Variants in PHACTR2 observed in about 807,000 individuals in gnomAD.
The protein encoded by PHACTR2 is phosphatase and actin regulator 2.
In PHACTR2, 30 loss-of-function variants were observed where a neutral mutation model predicts 76.0. The observed-to-expected ratio is 0.39, with a 90% CI of 0.30 to 0.54. The LOEUF (loss-of-function observed/expected upper bound fraction) is 0.54, where lower values mean the gene tolerates loss of function less well. Ranked by LOEUF, PHACTR2 falls within the 20% of genes least tolerant of loss-of-function variation. The pLI is 0.61. For missense variants in PHACTR2, 696 were observed against 781.1 expected (o/e 0.89, Z 1.30); for synonymous variants, 292 against 292.5 (o/e 1.00, Z 0.02).
rs1776792097 is a variant in PHACTR2 at position 143,653,106 on chromosome 6, G to A, written c.13+44784G>A. Among the ~76,000 whole-genome samples, 1 of 152,172 alleles carries A rather than the reference G, an allele frequency of 6.6e-6. No individual in the cohort carries two copies. The highest frequency in any genetic ancestry group is 2.1e-4 in the South Asian group (1 of 4,826). ...CCTCACTGCCAGAGCATTTGTTCTG[G>A]ATGCCTCTGTCCCCAGGTGTCTCAG... On this transcript the variant is annotated intron_variant, in intron 1 of 11. Coordinates refer to the PHACTR2 transcript ENST00000305766. This position sits in a 1 kb window ranked among gnomAD's most constrained non-coding sequence, Gnocchi z 4.9.
chr6:143,779,630 A>G (rs1422364044), intron 9 of PHACTR2, among the ~76,000 whole-genome samples: 1 of 152,190 alleles, frequency 6.6e-6, no homozygotes, highest in East Asian at 1.9e-4. Flanking sequence ...TTACGGGTGT[A>G]AGCCACCGTG....
chr6:143,640,556 G>C (rs1776547176), intron 1 of PHACTR2, among the ~76,000 whole-genome samples: 1 of 152,236 alleles, frequency 6.6e-6, no homozygotes, highest in African/African-American at 2.4e-5. Context: ...ACCAGTCAAT[G>C]CCTACAAAAG....
At chr6:143,785,451 C>T (rs535668477) in intron 10 of PHACTR2, among the ~76,000 whole-genome samples, 1 of 152,164 alleles carries the variant, frequency 6.6e-6, no homozygotes, top group Non-Finnish European at 1.5e-5. Context: ...CTTTCACAGA[C>T]TAGTGTTGAG....
rs764028084 is a variant in PHACTR2 at position 143,589,606 on chromosome 6, C to A, written c.217+52399C>A. On this transcript the variant is annotated intron_variant, in intron 1 of 11. Coordinates refer to the PHACTR2 transcript ENST00000367584. The surrounding 1 kb of genome is among the most constrained non-coding windows in gnomAD (Gnocchi z 4.4). ...TGGTCTTTTCTCTGTGTGTTCACTT[C>A]CGGTGTCTCTGTGTCCAAATTTCCT... 2.6e-5 allele frequency among the ~76,000 whole-genome samples: 4 copies of A among 152,158 alleles called. No individual in the cohort carries two copies. The highest frequency in any genetic ancestry group is 4.4e-5 in the Non-Finnish European group (3 of 68,024).
In PHACTR2 at chr6:143,780,025, C is replaced by T. The variant is rs1775388530; in HGVS notation, c.1645+2642C>T. Among the ~76,000 whole-genome samples, 1 of 151,092 alleles carries T rather than the reference C, an allele frequency of 6.6e-6. No homozygotes were observed. The highest frequency in any genetic ancestry group is 6.6e-5 in the Admixed American group (1 of 15,136). On this transcript the variant is annotated intron_variant, in intron 9 of 12. Transcript: ENST00000440869. The surrounding 1 kb of genome is among the most constrained non-coding windows in gnomAD (Gnocchi z 4.4). The stretch of plus-strand genomic sequence containing the variant: ...CAACTTTTGGTACTTAAAAGTTCAA[C>T]TTTTGCTAATCAAGAAAGGTGATGT...
intron 12 of PHACTR2, among the ~76,000 whole-genome samples, chr6:143,812,208 G>C (rs552412009): frequency 6.6e-6 from 1 of 152,192 alleles, no homozygotes; most frequent in East Asian, 1.9e-4. Context: ...CTCTATCTCC[G>C]GAGAGAGACA....
rs1249147669 is a variant in PHACTR2, at chr6:143,765,890, T to C, written c.1232+92T>C. The stretch of plus-strand genomic sequence containing the variant: ...ATGAAGCACCGGGTTTGCTTTCTTA[T>C]ATAATTTAATCTACTGAGTGTTAGG... On this transcript the variant is annotated intron_variant, in intron 6 of 12. Coordinates refer to ENST00000440869, the MANE Select transcript of PHACTR2 (RefSeq NM_001100164.2). The surrounding 1 kb of genome is among the most constrained non-coding windows in gnomAD (Gnocchi z 4.1). 8 of 1,086,298 alleles carry C rather than the reference T, an allele frequency of 7.4e-6. No individual in the cohort carries two copies. In the African/African-American group the frequency reaches 7.9e-5, roughly 11 times the overall value. 67.3% of individuals were successfully genotyped at this position (1,086,298 alleles called of 1,614,324 possible). A position where few individuals can be genotyped will look rare whatever the true frequency, so the allele number is the denominator to read the frequency against.
rs1317220212 is a variant in PHACTR2, at chr6:143,820,690, C to A, written c.1923-2984C>A. On this transcript the variant is annotated intron_variant, in intron 12 of 12. Transcript: ENST00000440869. The surrounding 1 kb of genome is among the most constrained non-coding windows in gnomAD (Gnocchi z 4.2). ...CACAGGGTGCAAGCTGCCAGTGGAT[C>A]TACCATTCTGGGGTCTGGAGGACAG... Among the ~76,000 whole-genome samples the A allele has an allele frequency of 1.3e-5, 2 of 152,226 alleles. No individual in the cohort carries two copies. Among genetic ancestry groups the A allele is most frequent in the African/African-American group, 4.8e-5 (2 of 41,458 alleles).
intron 2 of PHACTR2, among the ~76,000 whole-genome samples, chr6:143,716,778 C>T (rs1401278813): frequency 6.6e-6 from 1 of 152,208 alleles, no homozygotes; most frequent in Non-Finnish European, 1.5e-5. Flanking sequence ...TCCCAAGATC[C>T]TAAGCCTGTG....
In PHACTR2 at chr6:143,821,699, A is replaced by G. The variant is rs1180734874; in HGVS notation, c.1923-1975A>G. Reference sequence around the variant, plus strand: ...CGCAGATGGTAAGAGAGATAAAGGTAGAAGAAAGAGTAGGCCAGGTGTGGT... The same window carrying G: ...CGCAGATGGTAAGAGAGATAAAGGTGGAAGAAAGAGTAGGCCAGGTGTGGT... On this transcript the variant is annotated intron_variant, in intron 12 of 12. Transcript: ENST00000440869. The surrounding 1 kb of genome is among the most constrained non-coding windows in gnomAD (Gnocchi z 5.2). 6.6e-6 allele frequency among the ~76,000 whole-genome samples: 1 copy of G among 152,238 alleles called. No homozygotes were observed. The highest frequency in any genetic ancestry group is 1.5e-5 in the Non-Finnish European group (1 of 68,036).
At chr6:143,788,991 TC>T (rs1178685226) in intron 11 of PHACTR2, 81 bp downstream of exon 11, 1 of 1,306,164 alleles carries the variant, frequency 7.7e-7, no homozygotes, top group Non-Finnish European at 1.1e-6. Context: ...ACTTAAGTCA[TC>T]CCAGGGGACG....
intron 1 of PHACTR2, among the ~76,000 whole-genome samples, chr6:143,629,222 A>G (rs1193871206): frequency 6.6e-6 from 1 of 151,978 alleles, no homozygotes; most frequent in Non-Finnish European, 1.5e-5. Context: ...CCCTCTCCCT[A>G]AGCATCTTCT....
intron 2 of PHACTR2, among the ~76,000 whole-genome samples, chr6:143,712,554 A>G (rs1313271265): frequency 1.3e-5 from 2 of 151,572 alleles, no homozygotes; most frequent in African/African-American, 2.4e-5. Flanking sequence ...TAGTTAGACT[A>G]TACTATTTAT....
rs1775450667 is a variant in PHACTR2, at chr6:143,782,285, C to T, written c.1646-934C>T. Among the ~76,000 whole-genome samples, 1 of 151,866 alleles carries T rather than the reference C, an allele frequency of 6.6e-6. No individual in the cohort carries two copies. Among genetic ancestry groups the T allele is most frequent in the South Asian group, 2.1e-4 (1 of 4,798 alleles). ...ATAGAAGAAGTTTTCCTTTTTCAAC[C>T]TTTTGGTCAAGGCTTTATATGGTGT... is the stretch of plus-strand genomic sequence containing the variant. On this transcript the variant is annotated intron_variant, in intron 9 of 12. Coordinates refer to ENST00000440869, the MANE Select transcript of PHACTR2 (RefSeq NM_001100164.2). The surrounding 1 kb of genome is among the most constrained non-coding windows in gnomAD (Gnocchi z 4.6).
intron 1 of PHACTR2, among the ~76,000 whole-genome samples, chr6:143,622,714 T>C (rs563481991): frequency 6.6e-6 from 1 of 152,242 alleles, no homozygotes; most frequent in African/African-American, 2.4e-5. Flanking sequence ...CCCAGAAAAG[T>C]CCTTGTGAAC....
chr6:143,644,423 G>A (rs1297926582), intron 1 of PHACTR2, among the ~76,000 whole-genome samples: 4 of 137,086 alleles, frequency 2.9e-5, no homozygotes, highest in Non-Finnish European at 4.5e-5. Flanking sequence ...AGCCGAGATC[G>A]CACCACTGCA....
In PHACTR2 at chr6:143,610,445, G is replaced by T. The variant is rs931923664; in HGVS notation, c.13+2123G>T. On this transcript the variant is annotated intron_variant, in intron 1 of 11. Transcript: ENST00000305766. The surrounding 1 kb of genome is among the most constrained non-coding windows in gnomAD (Gnocchi z 4.9). ...GCTAGTAGTTTAGAGCGGGGCACTC[G>T]TACTGACAACTGGATCATTAGTTTC... 9.9e-5 allele frequency among the ~76,000 whole-genome samples: 15 copies of T among 152,194 alleles called. No homozygotes were observed. The highest frequency in any genetic ancestry group is 1.5e-5 in the Non-Finnish European group (1 of 68,040).
rs1408467076 is a variant in PHACTR2 at position 143,663,797 on chromosome 6, G to A, written c.14-48219G>A. Among the ~76,000 whole-genome samples, 1 of 151,904 alleles carries A rather than the reference G, an allele frequency of 6.6e-6. No individual in the cohort carries two copies. The highest frequency in any genetic ancestry group is 1.5e-5 in the Non-Finnish European group (1 of 67,962). ...AATTACATTATGGTCAGAGATCAGG[G>A]ATTACTTAATATGAATTACTTAAAA... On this transcript the variant is annotated intron_variant, in intron 1 of 11. Coordinates refer to the PHACTR2 transcript ENST00000305766. The surrounding 1 kb of genome is among the most constrained non-coding windows in gnomAD (Gnocchi z 4.1).
chr6:143,778,221 T>G (rs1174289941), intron 9 of PHACTR2, among the ~76,000 whole-genome samples: 1 of 152,212 alleles, frequency 6.6e-6, no homozygotes, highest in African/African-American at 2.4e-5. Context: ...AGTACTGCAA[T>G]GGTAGTGACC....
Sources: gnomAD v4.1 joint callset for allele counts (sites outside exome capture counted in the v4.1 genomes callset) on GRCh38, gnomAD v4.1.1 for gene constraint, Gnocchi (gnomAD v3.1) non-coding constraint, MANE v1.5 for transcripts, NCBI Gene and HGNC (gene_info 2026-07-23, HGNC 2026-07-21) for gene names.